SMC5: variants seen among roughly 807,000 people sequenced by gnomAD.
The protein encoded by SMC5 is structural maintenance of chromosomes protein 5.
Under a neutral mutation model 148.3 loss-of-function variants are expected in SMC5, and 88 were observed. The ratio of observed to expected loss-of-function variants is 0.59; its 90% confidence interval spans 0.50 to 0.71. SMC5 has a LOEUF of 0.71. Ranked by LOEUF, SMC5 falls within the 30% of genes least tolerant of loss-of-function variation. SMC5 has a pLI of 0.00. For missense variants in SMC5, 1,142 were observed against 1,298.9 expected, an observed-to-expected ratio of 0.88 and a Z score of 1.86; for synonymous variants, 421 against 432.8, an observed-to-expected ratio of 0.97 and a Z score of 0.34.
At chr9:70,308,271 A>G (rs189966384) in intron 11 of SMC5, among the ~76,000 whole-genome samples, 1 of 152,150 alleles carries the variant, frequency 6.6e-6, no homozygotes, top group South Asian at 2.1e-4. Context: ...TATATTTAGT[A>G]ATTTGTTCAA....
chr9:70,322,494 A>T (rs1329603240), intron 15 of SMC5, among the ~76,000 whole-genome samples: 2 of 152,154 alleles, frequency 1.3e-5, no homozygotes. Context: ...CATCCAAAAG[A>T]CTGTTGCAAA....
Position 70,300,140 on chromosome 9 carries a change from A to G in SMC5, c.1404A>G (p.Leu468=). ...TCCGTGACACGTATGATGCTGTTTT[A>G]TGGCTAAGAAATAACAGAGACAAAT... The part of the protein sequence containing the change: ...QRFRDTYDAV[L]WLRNNRDKFK... The change falls in exon 10 of 25, where the codon TTA becomes TTG. Residue 468 remains leucine (L), a synonymous_variant. Coordinates refer to ENST00000361138, the MANE Select transcript of SMC5 (RefSeq NM_015110.4). The G allele has an allele frequency of 6.2e-7, 1 of 1,603,470 alleles. No homozygotes were observed. Among genetic ancestry groups the G allele is most frequent in the Admixed American group, 1.8e-5 (1 of 56,932 alleles).
intron 11 of SMC5, among the ~76,000 whole-genome samples, chr9:70,308,823 C>T (rs1587674074): frequency 1.3e-5 from 2 of 151,888 alleles, no homozygotes; most frequent in African/African-American, 4.8e-5. Context: ...ATTGCTAGTA[C>T]GTAGACATAT....
intron 8 of SMC5, among the ~76,000 whole-genome samples, chr9:70,297,496 C>G (rs2035233161): frequency 1.3e-5 from 2 of 152,156 alleles, no homozygotes; most frequent in South Asian, 2.1e-4. Flanking sequence ...AAAAAAATTT[C>G]AGATTTTGGA....
chr9:70,292,141 T>C (rs1408994344), intron 8 of SMC5, among the ~76,000 whole-genome samples: 1 of 152,036 alleles, frequency 6.6e-6, no homozygotes, highest in Non-Finnish European at 1.5e-5. Flanking sequence ...CTCATCACTT[T>C]TATGGAGGAG....
At position 70,300,124 on chromosome 9, in the gene SMC5, C is replaced by T; in HGVS notation, c.1388C>T (p.Thr463Met). ...AAGCTAAGACAGAGATTCCGTGACA[C>T]GTATGATGCTGTTTTATGGCTAAGA... ...EDKLRQRFRDTYDAVLWLRNN... is the reference protein window; with the variant it reads ...EDKLRQRFRDMYDAVLWLRNN... Residue 463 changes from threonine (T) to methionine (M), a missense_variant, in exon 10 of 25, where the codon ACG becomes ATG. Thr to Met is a moderately conservative substitution (Grantham distance 81). This residue lies in a region of SMC5 where 743 missense variants were observed against 835.7 expected (regional missense o/e 0.89). Transcript: ENST00000361138. 2 of 1,602,524 alleles carry T rather than the reference C, an allele frequency of 1.2e-6. No individual in the cohort carries two copies. Among genetic ancestry groups the T allele is most frequent in the Non-Finnish European group, 1.7e-6 (2 of 1,176,514 alleles).
chr9:70,298,079 C>G lies in SMC5; in HGVS notation c.1167C>G (p.Thr389=). The change falls in exon 9 of 25, where the codon ACC becomes ACG. Residue 389 remains threonine, a synonymous_variant. Coordinates refer to ENST00000361138, the MANE Select transcript of SMC5 (RefSeq NM_015110.4). ...MIEDLQNELK[T]TENCENLQPQ... ...AGGATTTGCAAAATGAACTAAAGAC[C>G]ACGGAAAACTGCGAGAATCTTCAGC... The G allele has an allele frequency of 6.2e-7, 1 of 1,613,916 alleles. No individual in the cohort carries two copies. Among genetic ancestry groups the G allele is most frequent in the East Asian group, 2.2e-5 (1 of 44,860 alleles).
Position 70,325,297 on chromosome 9 carries a change from CCAGT to C in SMC5, c.2397+1157_2397+1160del, listed in dbSNP as rs2036050530. On this transcript the variant is annotated intron_variant, in intron 17 of 24. Coordinates refer to ENST00000361138, the MANE Select transcript of SMC5 (RefSeq NM_015110.4). ...ACTTTAGAGGAACCAGCAACAAAGC[CCAGT>C]CAAATTCTTTATTATACAACACCTG... Among the ~76,000 whole-genome samples, 6 of 152,192 alleles carry C rather than the reference CCAGT, an allele frequency of 3.9e-5. No homozygotes were observed. In the South Asian group the frequency reaches 1.2e-3, roughly 32 times the overall value.
chr9:70,316,343 A>G (rs1467892490), intron 13 of SMC5, among the ~76,000 whole-genome samples: 2 of 152,088 alleles, frequency 1.3e-5, no homozygotes, highest in Non-Finnish European at 2.9e-5. Context: ...ATTTCTAACC[A>G]GTATATAAAT....
At chr9:70,281,598 G>C (rs2034751582) in intron 6 of SMC5, among the ~76,000 whole-genome samples, 1 of 152,118 alleles carries the variant, frequency 6.6e-6, no homozygotes, top group South Asian at 2.1e-4. Context: ...GAACAAAATA[G>C]GTAAGAAAGT....
At chr9:70,291,283 G>A (rs2118298867) in intron 8 of SMC5, among the ~76,000 whole-genome samples, 1 of 152,220 alleles carries the variant, frequency 6.6e-6, no homozygotes, top group East Asian at 1.9e-4. Context: ...TGTATATATT[G>A]GGTCATGCCT....
At chr9:70,282,891 G>T (rs2034790313) in intron 7 of SMC5, among the ~76,000 whole-genome samples, 1 of 152,196 alleles carries the variant, frequency 6.6e-6, no homozygotes, top group East Asian at 1.9e-4. Context: ...TTATACATCT[G>T]CTTTGTAATT....
intron 11 of SMC5, among the ~76,000 whole-genome samples, chr9:70,308,186 C>G (rs548599023): frequency 6.6e-6 from 1 of 152,200 alleles, no homozygotes; most frequent in East Asian, 1.9e-4. Flanking sequence ...TTTGGGGTAC[C>G]TTCTAGTCTT....
intron 7 of SMC5, among the ~76,000 whole-genome samples, chr9:70,284,442 CGTT>C (rs988820680): frequency 2.0e-5 from 3 of 151,984 alleles, no homozygotes; most frequent in Non-Finnish European, 2.9e-5. Flanking sequence ...AATTGGCAGT[CGTT>C]GTTATGTTAA....
chr9:70,316,632 T>C (rs1323787557), intron 13 of SMC5, among the ~76,000 whole-genome samples: 1 of 152,054 alleles, frequency 6.6e-6, no homozygotes, highest in Non-Finnish European at 1.5e-5. Flanking sequence ...GTAGGTAGGG[T>C]TCTCTCTGAA....
At position 70,259,026 on chromosome 9, in the gene SMC5, G is replaced by A; in HGVS notation, c.-53G>A. 6.5e-7 allele frequency: 1 copy of A among 1,528,404 alleles called. No homozygotes were observed. The highest frequency in any genetic ancestry group is 8.8e-7 in the Non-Finnish European group (1 of 1,136,360). 94.7% of individuals were successfully genotyped at this position (1,528,404 alleles called of 1,614,324 possible). A position where few individuals can be genotyped will look rare whatever the true frequency, so the allele number is the denominator to read the frequency against. ...TGGGTGGATGGGCGCTTGGGCGCCT[G>A]GGCTGCCGGACGGTGGGAACGGAAG... is the stretch of plus-strand genomic sequence containing the variant. On this transcript the variant is annotated 5_prime_UTR_variant, in exon 1 of 25. Transcript: ENST00000361138.
At chr9:70,303,766 G>GTC in intron 10 of SMC5, among the ~76,000 whole-genome samples, 2 of 152,276 alleles carry the variant, frequency 1.3e-5, no homozygotes, top group East Asian at 3.9e-4. Context: ...TTGAAAGGAC[G>GTC]TCTGTCTGAC....
At chr9:70,317,916 A>G (rs914557288) in intron 13 of SMC5, among the ~76,000 whole-genome samples, 4 of 152,174 alleles carry the variant, frequency 2.6e-5, no homozygotes, top group African/African-American at 7.2e-5. Flanking sequence ...GGGAGAGTAA[A>G]TGACTTACCC....
At chr9:70,349,512 T>G (rs2036753045) in intron 22 of SMC5, among the ~76,000 whole-genome samples, 2 of 152,266 alleles carry the variant, frequency 1.3e-5, no homozygotes, top group South Asian at 4.1e-4. Flanking sequence ...AAATATTTAT[T>G]GAGCACCTAT....
Sources: gnomAD v4.1 joint callset for allele counts (sites outside exome capture counted in the v4.1 genomes callset) on GRCh38, gnomAD v4.1.1 for gene constraint, gnomAD v4.1.1 regional missense constraint, MANE v1.5 for transcripts, NCBI Gene and HGNC (gene_info 2026-07-23, HGNC 2026-07-21) for gene names.